Variants in GNMT observed in about 807,000 individuals in gnomAD.
The protein encoded by GNMT is epididymis secretory sperm binding protein Li 182mP.
GNMT carries 26 observed loss-of-function variants against 30.2 expected under a neutral mutation model. The observed-to-expected ratio is 0.86, with a 90% CI of 0.63 to 1.19. The LOEUF (loss-of-function observed/expected upper bound fraction) is 1.19, where lower values mean the gene tolerates loss of function less well. GNMT is among the 50% of genes most tolerant of loss of function. GNMT has a pLI of 0.00. For synonymous variants in GNMT, 163 were observed against 163.8 expected, an observed-to-expected ratio of 1.00 and a Z score of 0.04; for missense variants, 365 against 398.1, an observed-to-expected ratio of 0.92 and a Z score of 0.71.
chr6:42,963,145 T>C lies in GNMT; in HGVS notation c.525T>C (p.Ile175=), dbSNP rs1769513938. The change falls in exon 4 of 6, where the codon ATT becomes ATC. Residue 175 remains isoleucine (I), a synonymous_variant. Coordinates refer to ENST00000372808, the MANE Select transcript of GNMT (RefSeq NM_018960.6). The part of the protein sequence containing the change: ...SMVRAGGLLV[I]DHRNYDHILS... ...TGCGGGCAGGGGGCCTACTGGTCAT[T>C]GATCATCGCAACTACGACCACATCC... is the stretch of plus-strand genomic sequence containing the variant. 6.2e-7 allele frequency: 1 copy of C among 1,611,256 alleles called. No homozygotes were observed.
chr6:42,962,554 C>T (rs749442227), intron 2 of GNMT, among the ~76,000 whole-genome samples: 29 of 152,022 alleles, frequency 1.9e-4, no homozygotes, highest in Non-Finnish European at 4.1e-4. Flanking sequence ...GCATCTTGTC[C>T]CTCCCCTCAA....
In GNMT at chr6:42,963,438, T is replaced by C. The variant is rs750253852; in HGVS notation, c.705T>C (p.Ser235=). The part of the protein sequence containing the change: ...VQVPGAGQDG[S]PGLSKFRLSY... ...TGCCGGGGGCTGGCCAGGATGGCTC[T>C]CCTGGCTTGAGGTACCACTTGGCTT... is the stretch of plus-strand genomic sequence containing the variant. The change falls in exon 5 of 6, where the codon TCT becomes TCC. Residue 235 remains serine, a synonymous_variant. Transcript: ENST00000372808. 2.5e-6 allele frequency: 4 copies of C among 1,613,410 alleles called. No individual in the cohort carries two copies. The South Asian group carries it at 4.4e-5, about 18-fold the overall frequency.
rs1561817132 is a variant in GNMT, at chr6:42,963,418, G to T, written c.685G>T (p.Gly229Trp). Residue 229 changes from glycine to tryptophan, a missense_variant, in exon 5 of 6, where the codon GGG becomes TGG. Gly to Trp is a radical substitution (Grantham distance 184). Around this residue, in one of 3 missense-constraint regions of GNMT, gnomAD observed 232 missense variants for 263.0 expected, o/e 0.88. Coordinates refer to ENST00000372808, the MANE Select transcript of GNMT (RefSeq NM_018960.6). ...VTLDYTVQVPGAGQDGSPGLS... is the reference protein window; with the variant it reads ...VTLDYTVQVPWAGQDGSPGLS... ...CCTGGACTATACGGTGCAGGTGCCG[G>T]GGGCTGGCCAGGATGGCTCTCCTGG... 3 of 1,614,072 alleles carry T rather than the reference G, an allele frequency of 1.9e-6. No individual in the cohort carries two copies. The highest frequency in any genetic ancestry group is 1.6e-4 in the Middle Eastern group (1 of 6,062).
At position 42,963,217 on chromosome 6, in the gene GNMT, G is replaced by A. The variant is rs1347214104; in HGVS notation, c.594+3G>A. 3.3e-6 allele frequency: 4 copies of A among 1,201,292 alleles called. No homozygotes were observed. The South Asian group carries it at 3.7e-5, about 11-fold the overall frequency. 74.4% of individuals were successfully genotyped at this position (1,201,292 alleles called of 1,614,324 possible). On this transcript the variant is annotated splice_donor_region_variant and intron_variant, in intron 4 of 5. Transcript: ENST00000372808. ...CAGGGAAGAACATCTACTATAAGGT[G>A]GGGCCCTCTGGGGTGGGGGTGGGGG...
chr6:42,960,820 T>C lies in GNMT; in HGVS notation c.53T>C (p.Leu18Pro). The C allele has an allele frequency of 1.3e-6, 2 of 1,559,238 alleles. No individual in the cohort carries two copies. Among genetic ancestry groups the C allele is most frequent in the Non-Finnish European group, 1.7e-6 (2 of 1,154,698 alleles). The change falls in exon 1 of 6, where the codon CTC becomes CCC. Residue 18 changes from leucine to proline, a missense_variant. By Grantham distance (98) the Leu-to-Pro change is moderately conservative (BLOSUM62 -3). This residue lies in a region of GNMT where 125 missense variants were observed against 112.0 expected (regional missense o/e 1.12). Coordinates refer to ENST00000372808, the MANE Select transcript of GNMT (RefSeq NM_018960.6). Reference protein sequence around the residue: ...TRSLGVAAEGLPDQYADGEAA... With the variant: ...TRSLGVAAEGPPDQYADGEAA... ...TCCCTGGGGGTGGCGGCCGAAGGGC[T>C]CCCGGACCAGTACGCGGACGGGGAG...
rs759573326 is a variant in GNMT at position 42,962,335 on chromosome 6, G to T, written c.330G>T (p.Lys110Asn). ...GGCGGCACGAGCCCGCCTTCGACAA[G>T]TGGGGTATGCAGGTCTAGCCAGGCT... ...WNRRHEPAFD[K>N]WVIEEANWMT... is the part of the protein sequence containing the mutation. Residue 110 changes from lysine (K) to asparagine (N), a missense_variant, in exon 2 of 6, where the codon AAG becomes AAT. Around this residue, in one of 3 missense-constraint regions of GNMT, gnomAD observed 232 missense variants for 263.0 expected, o/e 0.88. Transcript: ENST00000372808. 2 of 1,614,140 alleles carry T rather than the reference G, an allele frequency of 1.2e-6. No homozygotes were observed. The highest frequency in any genetic ancestry group is 4.5e-5 in the East Asian group (2 of 44,882).
chr6:42,962,358 G>C lies in GNMT; in HGVS notation c.334+19G>C, dbSNP rs752579906. 1 of 1,613,650 alleles carries C rather than the reference G, an allele frequency of 6.2e-7. No individual in the cohort carries two copies. Among genetic ancestry groups the C allele is most frequent in the Non-Finnish European group, 8.5e-7 (1 of 1,179,844 alleles). On this transcript the variant is annotated intron_variant, in intron 2 of 5. Transcript: ENST00000372808. ...AAGTGGGGTATGCAGGTCTAGCCAG[G>C]CTCCCCCAGCCCAGTCACCAGGAAC...
chr6:42,962,978 G>A, intron 3 of GNMT, 94 bp from the exon 4 acceptor site: 1 of 1,593,460 alleles, frequency 6.3e-7, no homozygotes, highest in Non-Finnish European at 8.6e-7. Flanking sequence ...CTCTGCCTTG[G>A]CTCTGGCACC....
chr6:42,960,863 G>C lies in GNMT; in HGVS notation c.96G>C (p.Gln32His). 1 of 1,555,518 alleles carries C rather than the reference G, an allele frequency of 6.4e-7. No homozygotes were observed. Among genetic ancestry groups the C allele is most frequent in the Non-Finnish European group, 8.7e-7 (1 of 1,153,266 alleles). ...ACGGGGAGGCGGCGCGCGTGTGGCA[G>C]CTGTATATCGGAGACACCCGCAGCC... ...YADGEAARVW[Q>H]LYIGDTRSRT... Residue 32 changes from glutamine (Q) to histidine (H), a missense_variant, in exon 1 of 6, where the codon CAG (glutamine) becomes CAC (histidine). Around this residue, in one of 3 missense-constraint regions of GNMT, gnomAD observed 125 missense variants for 112.0 expected, o/e 1.12. Coordinates refer to ENST00000372808, the MANE Select transcript of GNMT (RefSeq NM_018960.6).
chr6:42,962,560 C>T (rs1007989413), intron 2 of GNMT, among the ~76,000 whole-genome samples: 1 of 152,168 alleles, frequency 6.6e-6, no homozygotes, highest in Non-Finnish European at 1.5e-5. Flanking sequence ...TGTCCCTCCC[C>T]TCAAAGAAAA....
Position 42,962,272 on chromosome 6 carries a change from C to CAA in GNMT, c.268_269dup (p.Met91ArgfsTer3). ...GTGTGACGAGTGTGGATGCCAGTGACAAGATGCTGAAGTATGCACTTAAGG... is the reference window on the plus strand; with the variant it reads ...GTGTGACGAGTGTGGATGCCAGTGACAAAAGATGCTGAAGTATGCACTTAAGG... On this transcript the variant is annotated frameshift_variant, in exon 2 of 6. Transcript: ENST00000372808. LOFTEE classifies it high-confidence loss of function. 1 of 1,614,094 alleles carries CAA rather than the reference C, an allele frequency of 6.2e-7. No homozygotes were observed. Among genetic ancestry groups the CAA allele is most frequent in the Non-Finnish European group, 8.5e-7 (1 of 1,179,984 alleles).
chr6:42,960,953 C>T lies in GNMT; in HGVS notation c.186C>T (p.Leu62=). The change falls in exon 1 of 6, where the codon CTC becomes CTT. Residue 62 remains leucine, a synonymous_variant. Transcript: ENST00000372808. ...LLRQHGCQRV[L]DVACGTGVDS... is the part of the protein sequence containing the mutation. ...GCCAGCACGGCTGCCAGCGGGTGCT[C>T]GACGTAGCCTGTGGCACTGGGTGAG... 6.4e-7 allele frequency: 1 copy of T among 1,561,948 alleles called. No individual in the cohort carries two copies. Among genetic ancestry groups the T allele is most frequent in the Non-Finnish European group, 8.6e-7 (1 of 1,159,842 alleles).
chr6:42,963,221 C>G lies in GNMT; in HGVS notation c.594+7C>G. 1 of 1,459,070 alleles carries G rather than the reference C, an allele frequency of 6.9e-7. No homozygotes were observed. Among genetic ancestry groups the G allele is most frequent in the African/African-American group, 1.7e-5 (1 of 57,392 alleles). 90.4% of individuals were successfully genotyped at this position (1,459,070 alleles called of 1,614,324 possible). A position where few individuals can be genotyped will look rare whatever the true frequency, so the allele number is the denominator to read the frequency against. ...GAAGAACATCTACTATAAGGTGGGG[C>G]CCTCTGGGGTGGGGGTGGGGGTGGG... is the stretch of plus-strand genomic sequence containing the variant. On this transcript the variant is annotated splice_region_variant and intron_variant, in intron 4 of 5. Transcript: ENST00000372808.
At chr6:42,961,550 C>CT (rs575786265) in intron 1 of GNMT, among the ~76,000 whole-genome samples, 1,525 of 130,542 alleles carry the variant, frequency 0.012, 24 homozygotes, top group Non-Finnish European at 0.017. Flanking sequence ...CTATTTTTCT[C>CT]TTTTTTTTTT....
At chr6:42,961,348 C>T (rs2114224832) in intron 1 of GNMT, among the ~76,000 whole-genome samples, 1 of 152,280 alleles carries the variant, frequency 6.6e-6, no homozygotes, top group South Asian at 2.1e-4. Context: ...ACATTTGCAC[C>T]TGCCAAGCCC....
chr6:42,961,414 G>A (rs1769378618), intron 1 of GNMT, among the ~76,000 whole-genome samples: 1 of 152,148 alleles, frequency 6.6e-6, no homozygotes, highest in Admixed American at 6.5e-5. Context: ...GCCCCATGAA[G>A]TTAAGCAGTG....
chr6:42,960,933 C>T lies in GNMT; in HGVS notation c.166C>T (p.His56Tyr). The change falls in exon 1 of 6, where the codon CAC (histidine) becomes TAC (tyrosine). Residue 56 changes from histidine to tyrosine, a missense_variant. His to Tyr is a moderately conservative substitution (Grantham distance 83, BLOSUM62 2). Around this residue, in one of 3 missense-constraint regions of GNMT, gnomAD observed 125 missense variants for 112.0 expected, o/e 1.12. Coordinates refer to ENST00000372808, the MANE Select transcript of GNMT (RefSeq NM_018960.6). ...KAWLLGLLRQ[H>Y]GCQRVLDVAC... The stretch of plus-strand genomic sequence containing the variant: ...ATGGCTGCTTGGGCTGCTGCGCCAG[C>T]ACGGCTGCCAGCGGGTGCTCGACGT... The T allele has an allele frequency of 6.4e-7, 1 of 1,564,646 alleles. No individual in the cohort carries two copies. The highest frequency in any genetic ancestry group is 8.6e-7 in the Non-Finnish European group (1 of 1,160,362).
chr6:42,963,655 C>T lies in GNMT; in HGVS notation c.837C>T (p.Gly279=). 1.9e-6 allele frequency: 3 copies of T among 1,614,184 alleles called. No individual in the cohort carries two copies. The highest frequency in any genetic ancestry group is 2.5e-6 in the Non-Finnish European group (3 of 1,180,004). ...VLGDFKPYKP[G]QTYIPCYFIH... Reference sequence around the variant, plus strand: ...GCGACTTCAAGCCTTACAAGCCAGGCCAAACCTACATTCCCTGCTACTTCA... The same window carrying T: ...GCGACTTCAAGCCTTACAAGCCAGGTCAAACCTACATTCCCTGCTACTTCA... The change falls in exon 6 of 6, where the codon GGC becomes GGT. Residue 279 remains glycine (G), a synonymous_variant. Coordinates refer to ENST00000372808, the MANE Select transcript of GNMT (RefSeq NM_018960.6).
At position 42,963,320 on chromosome 6, in the gene GNMT, A is replaced by G. The variant is rs765376257; in HGVS notation, c.595-8A>G. On this transcript the variant is annotated splice_polypyrimidine_tract_variant and splice_region_variant and intron_variant, in intron 4 of 5. Transcript: ENST00000372808. ...AGAGGCTAATGCCGGCTGCCCCACCACCTACAGAGTGACTTGACCAAGGAC... is the reference window on the plus strand; with the variant it reads ...AGAGGCTAATGCCGGCTGCCCCACCGCCTACAGAGTGACTTGACCAAGGAC... The G allele has an allele frequency of 6.2e-7, 1 of 1,607,516 alleles. No homozygotes were observed.
Sources: allele counts gnomAD v4.1 joint callset (sites outside exome capture counted in the v4.1 genomes callset), GRCh38; gene constraint gnomAD v4.1.1; regional missense constraint gnomAD v4.1.1; transcripts MANE v1.5; gene names NCBI Gene and HGNC (gene_info 2026-07-23, HGNC 2026-07-21).